Variants in MXD1 observed in about 807,000 individuals in gnomAD.
MXD1 encodes MAX dimerization protein 1, also known as MAX-binding protein.
MXD1 carries 9 observed loss-of-function variants against 25.7 expected under a neutral mutation model. That is an observed-to-expected ratio of 0.35 (90% CI 0.21 to 0.61). MXD1 has a LOEUF of 0.61. Ranked by LOEUF, MXD1 falls within the 20% of genes least tolerant of loss-of-function variation. MXD1 has a pLI of 0.75. For missense variants in MXD1, 227 were observed against 292.4 expected (o/e 0.78, Z 1.63); for synonymous variants, 99 against 113.9 (o/e 0.87, Z 0.83).
intron 3 of MXD1, among the ~76,000 whole-genome samples, chr2:69,926,844 C>G (rs1372361913): frequency 2.0e-5 from 3 of 152,220 alleles, no homozygotes; most frequent in Non-Finnish European, 4.4e-5. Context: ...ATATAAGCTA[C>G]AGCCAATAGG....
At position 69,939,273 on chromosome 2, in the gene MXD1, ACT is replaced by A. The variant is rs2104220034; in HGVS notation, c.*994_*995del. Reference sequence around the variant, plus strand: ...AGTGAAAGAAAAAGTCCACATTTCTACTCTCTGTTGCAGGTGAACAGGAGAGG... The same window carrying A: ...AGTGAAAGAAAAAGTCCACATTTCTACTCTGTTGCAGGTGAACAGGAGAGG... On this transcript the variant is annotated 3_prime_UTR_variant, in exon 6 of 6. Coordinates refer to ENST00000264444, the MANE Select transcript of MXD1 (RefSeq NM_002357.4). 6.6e-6 allele frequency: 1 copy of A among 152,554 alleles called. No individual in the cohort carries two copies. The highest frequency in any genetic ancestry group is 1.9e-4 in the East Asian group (1 of 5,172). 9.5% of individuals were successfully genotyped at this position (152,554 alleles called of 1,614,324 possible). A position where few individuals can be genotyped will look rare whatever the true frequency, so the allele number is the denominator to read the frequency against.
rs907771670 is a variant in MXD1, at chr2:69,920,936, C to T, written c.174-800C>T. On this transcript the variant is annotated intron_variant, in intron 2 of 5. Transcript: ENST00000264444. ...TACACTAATCATATGGTTTCATATC[C>T]ATCACACCTTTCATCCAAGGCTCTC... Among the ~76,000 whole-genome samples, 4 of 152,158 alleles carry T rather than the reference C, an allele frequency of 2.6e-5. No homozygotes were observed. In the East Asian group the frequency reaches 7.7e-4, roughly 29 times the overall value.
intron 3 of MXD1, among the ~76,000 whole-genome samples, chr2:69,930,798 A>T (rs1478115855): frequency 6.6e-6 from 1 of 152,188 alleles, no homozygotes; most frequent in Non-Finnish European, 1.5e-5. Context: ...GGAAGCTAGG[A>T]TTGAAAGAAT....
At chr2:69,917,946 A>G (rs73938905) in intron 2 of MXD1, among the ~76,000 whole-genome samples, 2,647 of 152,242 alleles carry the variant, frequency 0.017, 93 homozygotes, top group African/African-American at 0.061. Context: ...TTAGTGTAAT[A>G]TATTCAGTGG....
At chr2:69,922,506 C>T (rs1208663493) in intron 3 of MXD1, among the ~76,000 whole-genome samples, 1 of 152,172 alleles carries the variant, frequency 6.6e-6, no homozygotes, top group Non-Finnish European at 1.5e-5. Flanking sequence ...TATACACATA[C>T]ACTTGTATAT....
In MXD1 at chr2:69,935,418, C is replaced by G. The variant is rs762511553; in HGVS notation, c.271C>G (p.Arg91Gly). The G allele has an allele frequency of 1.2e-5, 19 of 1,613,978 alleles. 1 individual carries two copies. The Admixed American group carries it at 3.2e-4, about 27-fold the overall frequency. Reference protein sequence around the residue: ...GLVPLGPESSRHTTLSLLTKA... With the variant: ...GLVPLGPESSGHTTLSLLTKA... ...GGTGCCACTTGGACCCGAATCAAGT[C>G]GACACACTACGTTGAGTTTATTAAC... The change falls in exon 4 of 6, where the codon CGA becomes GGA. Residue 91 changes from arginine to glycine, a missense_variant. Transcript: ENST00000264444.
intron 3 of MXD1, among the ~76,000 whole-genome samples, chr2:69,923,435 C>A (rs1677109670): frequency 6.6e-6 from 1 of 152,192 alleles, no homozygotes; most frequent in Admixed American, 6.5e-5. Flanking sequence ...TTATTTCCTG[C>A]CAACCCTCTT....
chr2:69,938,376 T>A lies in MXD1; in HGVS notation c.*92T>A. ...GACCTGCCCACAACTCCCTTGCACGTAAACTTCAGTGTCCCACCTTGACCA... is the reference window on the plus strand; with the variant it reads ...GACCTGCCCACAACTCCCTTGCACGAAAACTTCAGTGTCCCACCTTGACCA... On this transcript the variant is annotated 3_prime_UTR_variant, in exon 6 of 6. Coordinates refer to ENST00000264444, the MANE Select transcript of MXD1 (RefSeq NM_002357.4). The A allele has an allele frequency of 7.4e-7, 1 of 1,353,124 alleles. No homozygotes were observed. The highest frequency in any genetic ancestry group is 1.0e-6 in the Non-Finnish European group (1 of 973,140). The allele number at this position is 1,353,124 out of a possible 1,614,324, so 83.8% of individuals were successfully genotyped here. A position where few individuals can be genotyped will look rare whatever the true frequency, so the allele number is the denominator to read the frequency against.
chr2:69,919,676 T>C (rs970902063), intron 2 of MXD1, among the ~76,000 whole-genome samples: 2 of 152,146 alleles, frequency 1.3e-5, no homozygotes, highest in Admixed American at 1.3e-4. Context: ...TTGAACTTAC[T>C]AGTCCCGGTT....
intron 2 of MXD1, among the ~76,000 whole-genome samples, chr2:69,918,213 A>G (rs774240835): frequency 6.6e-6 from 1 of 152,220 alleles, no homozygotes; most frequent in Non-Finnish European, 1.5e-5. Context: ...CTGCTGGTTT[A>G]CATAACCCTT....
At chr2:69,929,713 A>G (rs1677241732) in intron 3 of MXD1, among the ~76,000 whole-genome samples, 1 of 152,310 alleles carries the variant, frequency 6.6e-6, no homozygotes. Context: ...TCTGTTTGGA[A>G]TTTATTTTGA....
rs1420426232 is a variant in MXD1 at position 69,942,189 on chromosome 2, A to G, written c.*3905A>G. 6.6e-6 allele frequency: 1 copy of G among 152,190 alleles called. No individual in the cohort carries two copies. The highest frequency in any genetic ancestry group is 2.4e-5 in the African/African-American group (1 of 41,440). 9.4% of individuals were successfully genotyped at this position (152,190 alleles called of 1,614,324 possible). On this transcript the variant is annotated 3_prime_UTR_variant, in exon 6 of 6. Coordinates refer to ENST00000264444, the MANE Select transcript of MXD1 (RefSeq NM_002357.4). Reference sequence around the variant, plus strand: ...CTGATGCAGTGTGTTTAGCGTGTCTAGTAGCTGGCTACTCCTATTTAAAAA... The same window carrying G: ...CTGATGCAGTGTGTTTAGCGTGTCTGGTAGCTGGCTACTCCTATTTAAAAA...
Position 69,938,595 on chromosome 2 carries a change from C to T in MXD1, c.*311C>T, listed in dbSNP as rs909719665. The stretch of plus-strand genomic sequence containing the variant: ...CTCAGCAATCCCCCTCTTTGCTCTC[C>T]TCGTGTCCTCTCCCAGACCTTTCTT... On this transcript the variant is annotated 3_prime_UTR_variant, in exon 6 of 6. Coordinates refer to ENST00000264444, the MANE Select transcript of MXD1 (RefSeq NM_002357.4). The T allele has an allele frequency of 3.9e-6, 1 of 253,256 alleles. No homozygotes were observed. Among genetic ancestry groups the T allele is most frequent in the East Asian group, 1.0e-4 (1 of 9,632 alleles). 15.7% of individuals were successfully genotyped at this position (253,256 alleles called of 1,614,324 possible).
intron 4 of MXD1, 43 bp from the exon 5 acceptor site, chr2:69,937,192 A>G (rs1427957869): frequency 5.6e-6 from 9 of 1,609,810 alleles, no homozygotes; most frequent in Non-Finnish European, 7.6e-6. Context: ...GCCCATTTAG[A>G]GATCTCCCTG....
intron 3 of MXD1, among the ~76,000 whole-genome samples, chr2:69,925,442 A>G (rs941039164): frequency 6.6e-6 from 1 of 152,168 alleles, no homozygotes; most frequent in Non-Finnish European, 1.5e-5. Context: ...TTTGTGTAGA[A>G]AGTTAGAAAA....
rs1677563477 is a variant in MXD1 at position 69,940,169 on chromosome 2, T to C, written c.*1885T>C. 6.6e-6 allele frequency: 1 copy of C among 151,994 alleles called. No individual in the cohort carries two copies. Among genetic ancestry groups the C allele is most frequent in the African/African-American group, 2.4e-5 (1 of 41,350 alleles). The allele number at this position is 151,994 out of a possible 1,614,324, so 9.4% of individuals were successfully genotyped here. A position where few individuals can be genotyped will look rare whatever the true frequency, so the allele number is the denominator to read the frequency against. On this transcript the variant is annotated 3_prime_UTR_variant, in exon 6 of 6. Coordinates refer to ENST00000264444, the MANE Select transcript of MXD1 (RefSeq NM_002357.4). ...AGGATTTTTTTTTTTTTTTTTTAAT[T>C]TTTGGAATCTTTTCCAATAACCAGC...
At chr2:69,935,501 CT>C in intron 4 of MXD1, 36 bp downstream of exon 4, 4 of 1,404,800 alleles carry the variant, frequency 2.8e-6, no homozygotes, top group Non-Finnish European at 4.0e-6. Context: ...TTATCTTTAC[CT>C]GTTCAGTGAG....
chr2:69,919,865 G>A (rs1677030353), intron 2 of MXD1, among the ~76,000 whole-genome samples: 1 of 151,604 alleles, frequency 6.6e-6, no homozygotes, highest in Admixed American at 6.6e-5. Flanking sequence ...TAATTGAGAT[G>A]GGCTCTTGCT....
chr2:69,941,083 T>C lies in MXD1; in HGVS notation c.*2799T>C, dbSNP rs1267600000. On this transcript the variant is annotated 3_prime_UTR_variant, in exon 6 of 6. Transcript: ENST00000264444. ...CCAGCCTTTAAGACTTTGACAATTG[T>C]ACGTAAATACAGATGTGTATAAATA... 6.6e-6 allele frequency: 1 copy of C among 152,224 alleles called. No homozygotes were observed. The highest frequency in any genetic ancestry group is 1.5e-5 in the Non-Finnish European group (1 of 68,044). The allele number at this position is 152,224 out of a possible 1,614,324, so 9.4% of individuals were successfully genotyped here.
Sources: allele counts gnomAD v4.1 joint callset (sites outside exome capture counted in the v4.1 genomes callset), GRCh38; gene constraint gnomAD v4.1.1; transcripts MANE v1.5; gene names NCBI Gene and HGNC (gene_info 2026-07-23, HGNC 2026-07-21).